PARL: variants seen among roughly 807,000 people sequenced by gnomAD.
PARL encodes the protein presenilin associated rhomboid like, also known as presenilin-associated rhomboid-like protein, mitochondrial.
Under a neutral mutation model 51.6 loss-of-function variants are expected in PARL, and 44 were observed. The ratio of observed to expected loss-of-function variants is 0.85; its 90% confidence interval spans 0.67 to 1.10. The LOEUF (loss-of-function observed/expected upper bound fraction) is 1.10, where lower values mean the gene tolerates loss of function less well. Ranked by LOEUF, PARL falls within the 50% of genes least tolerant of loss-of-function variation. PARL has a pLI of 0.00. For synonymous variants in PARL, 172 were observed against 164.0 expected, an observed-to-expected ratio of 1.05 and a Z score of -0.37; for missense variants, 441 against 469.5, an observed-to-expected ratio of 0.94 and a Z score of 0.56.
chr3:183,857,818 GA>G (rs980415154), intron 4 of PARL, among the ~76,000 whole-genome samples: 39 of 152,290 alleles, frequency 2.6e-4, no homozygotes, highest in African/African-American at 8.7e-4. Context: ...TTTGTGCTGT[GA>G]ATCAGCACCC....
chr3:183,879,879 A>ATTTTTTTTTTTTTTTTTTT (rs532111761), intron 1 of PARL: 9 of 131,310 alleles, frequency 6.9e-5, no homozygotes, highest in Non-Finnish European at 1.1e-4. Context: ...ACCAGGACTG[A>ATTTTTTTTTTTTTTTTTTT]TTTTTTTTTT....
At chr3:183,862,698 TTTTGG>T (rs1432917937) in intron 4 of PARL, 50 bp downstream of exon 4, 1 of 1,385,956 alleles carries the variant, frequency 7.2e-7, no homozygotes, top group Non-Finnish European at 1.0e-6. Flanking sequence ...ATACTGTACC[TTTTGG>T]TTTGATTTCT....
At chr3:183,847,610 C>T (rs1013537745) in intron 4 of PARL, among the ~76,000 whole-genome samples, 27 of 151,952 alleles carry the variant, frequency 1.8e-4, no homozygotes, top group South Asian at 4.2e-4. Flanking sequence ...GGCTGAGTGA[C>T]GATGAAATGA....
intron 1 of PARL, among the ~76,000 whole-genome samples, chr3:183,868,788 T>C (rs939889029): frequency 6.6e-6 from 1 of 152,240 alleles, no homozygotes; most frequent in Non-Finnish European, 1.5e-5. Flanking sequence ...TTTAAATGTA[T>C]TGTCCTTGAA....
intron 1 of PARL, among the ~76,000 whole-genome samples, chr3:183,882,779 G>A (rs1413985603): frequency 6.6e-6 from 1 of 152,122 alleles, no homozygotes; most frequent in African/African-American, 2.4e-5. Flanking sequence ...GCCTGCAGTA[G>A]TTTTCAGACC....
intron 4 of PARL, among the ~76,000 whole-genome samples, chr3:183,853,965 G>A (rs1331807825): frequency 1.3e-5 from 2 of 152,124 alleles, no homozygotes; most frequent in Non-Finnish European, 1.5e-5. Flanking sequence ...TTGGCCAGGT[G>A]TGGTGGCTCA....
At chr3:183,848,398 C>T (rs1296605067) in intron 4 of PARL, among the ~76,000 whole-genome samples, 8 of 152,188 alleles carry the variant, frequency 5.3e-5, no homozygotes, top group Non-Finnish European at 1.0e-4. Flanking sequence ...CCCGCTACCA[C>T]GCCCAGCTAA....
chr3:183,837,740 A>G (rs1334628357), intron 7 of PARL, among the ~76,000 whole-genome samples: 1 of 152,198 alleles, frequency 6.6e-6, no homozygotes, highest in Non-Finnish European at 1.5e-5. Context: ...CCAAAGTCTC[A>G]TCATATCTAA....
Position 183,833,795 on chromosome 3 carries a change from C to G in PARL, c.859G>C (p.Val287Leu), listed in dbSNP as rs768121174. ...CTCCCTTCTGGGATCTTAGTGCAGA[C>G]AGCTGCGAGGACTGTCATGATGGCA... is the stretch of plus-strand genomic sequence containing the variant. ...SGAIMTVLAA[V>L]CTKIPEGRLA... Residue 287 changes from valine (V) to leucine (L), a missense_variant, in exon 8 of 10, where the codon GTC (valine) becomes CTC (leucine). Transcript: ENST00000317096. The G allele has an allele frequency of 1.2e-6, 2 of 1,613,320 alleles. No homozygotes were observed. Among genetic ancestry groups the G allele is most frequent in the South Asian group, 2.2e-5 (2 of 91,074 alleles).
intron 1 of PARL, among the ~76,000 whole-genome samples, chr3:183,876,978 G>A (rs1560434568): frequency 6.6e-6 from 1 of 152,332 alleles, no homozygotes; most frequent in African/African-American, 2.4e-5. Flanking sequence ...CTGGGAGGCC[G>A]AGGCGGGCGG....
chr3:183,875,767 CA>C (rs934896578), intron 1 of PARL, among the ~76,000 whole-genome samples: 5 of 152,172 alleles, frequency 3.3e-5, no homozygotes, highest in African/African-American at 1.2e-4. Flanking sequence ...GCAAAGCAGA[CA>C]AAACAGCCTT....
chr3:183,878,884 T>A (rs1410538451), intron 1 of PARL, among the ~76,000 whole-genome samples: 5 of 152,122 alleles, frequency 3.3e-5, no homozygotes, highest in Non-Finnish European at 7.3e-5. Flanking sequence ...AGAGAAAGAA[T>A]ATGCGACAAA....
chr3:183,831,731 A>G (rs1360288601), intron 9 of PARL, among the ~76,000 whole-genome samples: 1 of 152,186 alleles, frequency 6.6e-6, no homozygotes, highest in Non-Finnish European at 1.5e-5. Flanking sequence ...CAACAAAATC[A>G]GGGCACTTCA....
In PARL at chr3:183,884,722, C is replaced by T; in HGVS notation, c.125G>A (p.Arg42Lys). The T allele has an allele frequency of 6.3e-7, 1 of 1,589,312 alleles. No individual in the cohort carries two copies. The highest frequency in any genetic ancestry group is 8.5e-7 in the Non-Finnish European group (1 of 1,170,402). ...VLTPPQLLGR[R>K]FNFFIQQKCG... ...AAGACCAGAGCGCGGCGGCTATTAC[C>T]TGCGTCCGAGGAGCTGCGGCGGGGT... is the stretch of plus-strand genomic sequence containing the variant. Residue 42 changes from arginine to lysine, a missense_variant and splice_region_variant, in exon 1 of 10, where the codon AGG (arginine) becomes AAG (lysine). Transcript: ENST00000317096.
intron 4 of PARL, among the ~76,000 whole-genome samples, chr3:183,855,589 A>G (rs1390748964): frequency 6.6e-6 from 1 of 152,238 alleles, no homozygotes; most frequent in Non-Finnish European, 1.5e-5. Flanking sequence ...TATTTCTATT[A>G]TATCATAATA....
In PARL at chr3:183,884,869, T is replaced by G. The variant is rs767967020; in HGVS notation, c.-23A>C. 1.8e-5 allele frequency: 28 copies of G among 1,596,266 alleles called. No individual in the cohort carries two copies. The highest frequency in any genetic ancestry group is 1.6e-5 in the Non-Finnish European group (19 of 1,179,328). Reference sequence around the variant, plus strand: ...CATCTTCCCAACCTCTGCCCCACCATGGCCCGACCTTACCAACCCCAGCTG... The same window carrying G: ...CATCTTCCCAACCTCTGCCCCACCAGGGCCCGACCTTACCAACCCCAGCTG... On this transcript the variant is annotated 5_prime_UTR_variant, in exon 1 of 10. An upstream start codon of the reference 5' UTR is lost. Transcript: ENST00000317096.
chr3:183,861,917 G>A (rs1731876377), intron 4 of PARL, among the ~76,000 whole-genome samples: 1 of 152,060 alleles, frequency 6.6e-6, no homozygotes, highest in South Asian at 2.1e-4. Context: ...GGGACCCCAG[G>A]CACGCACCAC....
At chr3:183,882,354 T>C (rs1322645386) in intron 1 of PARL, among the ~76,000 whole-genome samples, 1 of 144,406 alleles carries the variant, frequency 6.9e-6, no homozygotes, top group African/African-American at 2.6e-5. Context: ...CATATATACA[T>C]ATATGCACAT....
downstream of PARL, among the ~76,000 whole-genome samples, chr3:183,828,406 T>C (rs1215285134): frequency 6.6e-6 from 1 of 152,226 alleles, no homozygotes; most frequent in African/African-American, 2.4e-5. Flanking sequence ...CCTTGGGCAG[T>C]GCCCCTACAC....
Sources: gnomAD v4.1 joint callset for allele counts (sites outside exome capture counted in the v4.1 genomes callset) on GRCh38, gnomAD v4.1.1 for gene constraint, MANE v1.5 for transcripts, NCBI Gene and HGNC (gene_info 2026-07-23, HGNC 2026-07-21) for gene names.